Variants in SYNPR observed in about 807,000 individuals in gnomAD.
SYNPR encodes the protein synaptoporin.
Under a neutral mutation model 32.9 loss-of-function variants are expected in SYNPR, and 23 were observed. The ratio of observed to expected loss-of-function variants is 0.70; its 90% CI spans 0.50 to 0.99. The LOEUF (loss-of-function observed/expected upper bound fraction) is 0.99. Among genes scored for constraint, SYNPR ranks in the 50% least tolerant of loss-of-function variants. SYNPR has a pLI of 0.00. For missense variants in SYNPR, 318 were observed against 349.3 expected (o/e 0.91, Z 0.71); for synonymous variants, 146 against 135.9 (o/e 1.07, Z -0.52).
At chr3:63,326,819 G>A (rs72881826) in intron 2 of SYNPR, among the ~76,000 whole-genome samples, 2,640 of 152,186 alleles carry the variant, frequency 0.017, 60 homozygotes, top group African/African-American at 0.059. Flanking sequence ...GTAACTCATG[G>A]AAGTAATTGA....
intron 2 of SYNPR, among the ~76,000 whole-genome samples, chr3:63,300,581 C>A (rs2086834761): frequency 6.6e-6 from 1 of 152,058 alleles, no homozygotes; most frequent in Non-Finnish European, 1.5e-5. Context: ...GTAGTCCCTG[C>A]TCTAGAGAAT....
chr3:63,397,826 A>C (rs2088236901), intron 2 of SYNPR, among the ~76,000 whole-genome samples: 1 of 152,242 alleles, frequency 6.6e-6, no homozygotes, highest in South Asian at 2.1e-4. Flanking sequence ...ATGGCTCATA[A>C]AAGCATTCAA....
upstream of SYNPR, among the ~76,000 whole-genome samples, chr3:63,275,518 A>T (rs972222412): frequency 1.3e-5 from 2 of 152,218 alleles, no homozygotes; most frequent in African/African-American, 2.4e-5. Context: ...CAGAAGGAAC[A>T]CTGGGTGTGA....
chr3:63,265,236 A>G (rs945112567), intron 2 of SYNPR, among the ~76,000 whole-genome samples: 2 of 111,088 alleles, frequency 1.8e-5, no homozygotes, highest in African/African-American at 6.4e-5. Flanking sequence ...GTTTCTAATG[A>G]CATTCTTTTT....
At chr3:63,578,521 G>A (rs1484750120) in intron 4 of SYNPR, among the ~76,000 whole-genome samples, 1 of 152,082 alleles carries the variant, frequency 6.6e-6, no homozygotes, top group Non-Finnish European at 1.5e-5. Flanking sequence ...GAGAGGAGGT[G>A]TGAGAGTGGA....
Position 63,374,008 on chromosome 3 carries a change from A to T in SYNPR, c.84+95266A>T, listed in dbSNP as rs140422372. Among the ~76,000 whole-genome samples the T allele has an allele frequency of 8.2e-3, 1,250 of 152,270 alleles. 27 individuals are homozygous for T. The highest frequency in any genetic ancestry group is 0.028 in the African/African-American group (1,179 of 41,558). ...GCTTCATAAATGAAGGAGGAATCAG[A>T]TCCTTTTCCGATAAGCAAATGCTGA... On this transcript the variant is annotated intron_variant, in intron 2 of 5. Coordinates refer to ENST00000478300, the MANE Select transcript of SYNPR (RefSeq NM_001130003.2).
chr3:63,532,043 C>T (rs1480170897), intron 3 of SYNPR, among the ~76,000 whole-genome samples: 1 of 152,224 alleles, frequency 6.6e-6, no homozygotes, highest in African/African-American at 2.4e-5. Context: ...TCTTTCTCCC[C>T]AACTTTTATG....
At chr3:63,588,659 T>C (rs1430533432) in intron 4 of SYNPR, among the ~76,000 whole-genome samples, 1 of 152,076 alleles carries the variant, frequency 6.6e-6, no homozygotes, top group Non-Finnish European at 1.5e-5. Context: ...AAACCAATAA[T>C]CAATTTTTTG....
Position 63,609,234 on chromosome 3 carries a change from T to C in SYNPR, c.518T>C (p.Leu173Pro), listed in dbSNP as rs1436534508. ...GCAACGGATCCCAAGGAAGTATTGC[T>C]ACTAATGTCAGCTTGCAAACAGCCA... ...KVATDPKEVL[L>P]LMSACKQPSN... Residue 173 changes from leucine (L) to proline (P), a missense_variant, in exon 5 of 6, where the codon CTA (leucine) becomes CCA (proline). Physicochemically the swap from Leu to Pro is moderately conservative, Grantham distance 98 (BLOSUM62 -3). Transcript: ENST00000478300. 1 of 1,608,514 alleles carries C rather than the reference T, an allele frequency of 6.2e-7. No individual in the cohort carries two copies. Among genetic ancestry groups the C allele is most frequent in the East Asian group, 2.2e-5 (1 of 44,794 alleles).
chr3:63,592,080 G>C (rs993582399), intron 4 of SYNPR, among the ~76,000 whole-genome samples: 1 of 151,928 alleles, frequency 6.6e-6, no homozygotes, highest in African/African-American at 2.4e-5. Context: ...GTGTCCATAA[G>C]AGAAAAGAAG....
At chr3:63,443,186 G>A in intron 2 of SYNPR, 1 of 1,258,150 alleles carries the variant, frequency 7.9e-7, no homozygotes. Flanking sequence ...GGGAGTATCA[G>A]GTTCCTGTAC....
intron 2 of SYNPR, among the ~76,000 whole-genome samples, chr3:63,439,219 G>T (rs1700129999): frequency 6.6e-6 from 1 of 152,128 alleles, no homozygotes; most frequent in Non-Finnish European, 1.5e-5. Context: ...TTAGAAATTA[G>T]CATTGCTAAT....
intron 2 of SYNPR, among the ~76,000 whole-genome samples, chr3:63,336,891 A>T (rs1355125094): frequency 6.6e-6 from 1 of 152,160 alleles, no homozygotes; most frequent in Non-Finnish European, 1.5e-5. Context: ...AAAATTATTA[A>T]TACTCAACAA....
At chr3:63,595,918 G>GTTTTATATATATAGTTATATATATA (rs1699951085) in intron 4 of SYNPR, among the ~76,000 whole-genome samples, 1 of 48,302 alleles carries the variant, frequency 2.1e-5, no homozygotes, top group Non-Finnish European at 3.9e-5. Context: ...TATATATATA[G>GTTTTATATATATAGTTATATATATA]TTTTATATAT....
At chr3:63,200,698 A>C in the SYNPR span, among the ~76,000 whole-genome samples, 1 of 151,920 alleles carries the variant, frequency 6.6e-6, no homozygotes, top group Non-Finnish European at 1.5e-5. Flanking sequence ...TCTCTTTTTA[A>C]TTTCTCAATC....
chr3:63,407,260 T>C (rs1359226324), intron 2 of SYNPR, among the ~76,000 whole-genome samples: 1 of 152,198 alleles, frequency 6.6e-6, no homozygotes, highest in Non-Finnish European at 1.5e-5. Context: ...CTGTGTCCAA[T>C]TGACTTCTTT....
At chr3:63,607,309 G>A (rs1700138472) in intron 4 of SYNPR, among the ~76,000 whole-genome samples, 2 of 152,162 alleles carry the variant, frequency 1.3e-5, no homozygotes, top group Admixed American at 1.3e-4. Context: ...AATGAATGAA[G>A]GTACCAGATT....
At chr3:63,322,112 C>G (rs1220861064) in intron 2 of SYNPR, among the ~76,000 whole-genome samples, 1 of 152,004 alleles carries the variant, frequency 6.6e-6, no homozygotes, top group Non-Finnish European at 1.5e-5. Flanking sequence ...TTAGGAAAAG[C>G]TTCCTGATGG....
chr3:63,288,579 A>T (rs1365782094), intron 2 of SYNPR, among the ~76,000 whole-genome samples: 8 of 152,190 alleles, frequency 5.3e-5, no homozygotes, highest in Non-Finnish European at 1.2e-4. Flanking sequence ...CCATTTGTTG[A>T]AAACCTCTTT....
Sources: allele counts gnomAD v4.1 joint callset (sites outside exome capture counted in the v4.1 genomes callset), GRCh38; gene constraint gnomAD v4.1.1; transcripts MANE v1.5; gene names NCBI Gene and HGNC (gene_info 2026-07-23, HGNC 2026-07-21).